ARFGEF2: variants seen among roughly 807,000 people sequenced by gnomAD.
The protein encoded by ARFGEF2 is brefeldin A-inhibited guanine nucleotide-exchange protein 2.
In ARFGEF2, 74 loss-of-function variants were observed where a neutral mutation model predicts 219.9. That is an observed-to-expected ratio of 0.34 (90% CI 0.28 to 0.41). The LOEUF (loss-of-function observed/expected upper bound fraction) is 0.41, where lower values mean the gene tolerates loss of function less well. Ranked by LOEUF, ARFGEF2 falls within the 10% of genes least tolerant of loss-of-function variation. The pLI is 1.00. For missense variants in ARFGEF2, 1,743 were observed against 2,218.3 expected (o/e 0.79, Z 4.30); for synonymous variants, 733 against 799.2 (o/e 0.92, Z 1.40).
chr20:48,941,935 C>G lies in ARFGEF2; in HGVS notation c.224C>G (p.Ala75Gly), dbSNP rs1036945229. 4 of 1,614,194 alleles carry G rather than the reference C, an allele frequency of 2.5e-6. No homozygotes were observed. Among genetic ancestry groups the G allele is most frequent in the Middle Eastern group, 1.6e-4 (1 of 6,062 alleles). The change falls in exon 3 of 39, where the codon GCT (alanine) becomes GGT (glycine). Residue 75 changes from alanine to glycine, a missense_variant. Ala to Gly is a moderately conservative substitution (Grantham distance 60, BLOSUM62 0). This residue lies in a region of ARFGEF2 where 394 missense variants were observed against 426.6 expected (regional missense o/e 0.92). Transcript: ENST00000371917. ...AAGTATTTTCTTCCATTCGAGCTAG[C>G]TTGCCAGTCCAAGTCCCCAAGGGTA... ...ADKYFLPFEL[A>G]CQSKSPRVVS...
intron 3 of ARFGEF2, among the ~76,000 whole-genome samples, chr20:48,950,775 A>G (rs1185743392): frequency 7.3e-6 from 1 of 137,926 alleles, no homozygotes; most frequent in Non-Finnish European, 1.5e-5. Flanking sequence ...CAGCCTAGGT[A>G]ACAGAATAAG....
At chr20:48,927,549 G>T (rs1385963959) in intron 1 of ARFGEF2, among the ~76,000 whole-genome samples, 1 of 151,996 alleles carries the variant, frequency 6.6e-6, no homozygotes, top group Non-Finnish European at 1.5e-5. Flanking sequence ...TTAGCTGGGC[G>T]TGGTGGCGCA....
chr20:48,950,811 A>AAATATATATATATATATATATATAT (rs1176537072), intron 3 of ARFGEF2, among the ~76,000 whole-genome samples: 1 of 64,482 alleles, frequency 1.6e-5, no homozygotes, highest in Non-Finnish European at 2.6e-5. Context: ...AAAAAAAAAA[A>AAATATATATATATATATATATATAT]ATATATATAT....
intron 6 of ARFGEF2, among the ~76,000 whole-genome samples, chr20:48,955,727 A>T (rs187277039): frequency 6.6e-6 from 1 of 152,218 alleles, no homozygotes; most frequent in Admixed American, 6.5e-5. Context: ...GGAGAAGCAA[A>T]CCCCAGACCT....
chr20:48,940,378 T>A (rs1463789094), intron 1 of ARFGEF2, among the ~76,000 whole-genome samples: 1 of 152,262 alleles, frequency 6.6e-6, no homozygotes, highest in African/African-American at 2.4e-5. Context: ...AGAAAAAGTA[T>A]GTATGCTTAT....
At chr20:48,941,823 A>G (rs747675401) in intron 2 of ARFGEF2, 41 bp from the exon 3 acceptor site, 1 of 1,614,052 alleles carries the variant, frequency 6.2e-7, no homozygotes, top group Non-Finnish European at 8.5e-7. Context: ...AGGTGTAGAA[A>G]ATTCATTTCT....
intron 6 of ARFGEF2, among the ~76,000 whole-genome samples, chr20:48,962,770 G>A (rs2090385526): frequency 6.6e-6 from 1 of 152,164 alleles, no homozygotes; most frequent in African/African-American, 2.4e-5. Context: ...ACTTAGCACT[G>A]CCCTCCGGGA....
At chr20:48,964,123 T>C (rs1361726104) in intron 7 of ARFGEF2, among the ~76,000 whole-genome samples, 1 of 152,180 alleles carries the variant, frequency 6.6e-6, no homozygotes, top group East Asian at 1.9e-4. Context: ...GGAAACATAG[T>C]CTGGGCCAGG....
chr20:48,978,748 G>A (rs542073035), intron 14 of ARFGEF2, among the ~76,000 whole-genome samples: 2 of 152,228 alleles, frequency 1.3e-5, no homozygotes, highest in African/African-American at 2.4e-5. Flanking sequence ...GTGAATGGGA[G>A]TTCACTCATG....
At chr20:49,007,592 CTTTTTTTT>C (rs752508908) in intron 26 of ARFGEF2, among the ~76,000 whole-genome samples, 1 of 97,868 alleles carries the variant, frequency 1.0e-5, no homozygotes, top group Non-Finnish European at 2.0e-5. Flanking sequence ...CCTGGTGTTG[CTTTTTTTT>C]TTTTTTTTTT....
chr20:48,974,732 T>G (rs371263857), intron 12 of ARFGEF2, 34 bp from the exon 13 acceptor site: 1 of 1,563,800 alleles, frequency 6.4e-7, no homozygotes, highest in African/African-American at 1.4e-5. Context: ...CATTTTTCTG[T>G]TAAGTCTCTT....
chr20:49,012,848 T>A (rs1284040590), intron 28 of ARFGEF2, among the ~76,000 whole-genome samples: 1 of 152,180 alleles, frequency 6.6e-6, no homozygotes, highest in Non-Finnish European at 1.5e-5. Flanking sequence ...ACAGGAGAGT[T>A]ACTGAAGCAC....
chr20:48,984,970 C>G (rs1043133796), intron 15 of ARFGEF2, 130 bp downstream of exon 15: 4 of 1,517,936 alleles, frequency 2.6e-6, no homozygotes, highest in Non-Finnish European at 2.7e-6. Flanking sequence ...TATACATTGT[C>G]TATTGTCCAC....
In ARFGEF2 at chr20:48,948,643, A is replaced by G. The variant is rs540087089; in HGVS notation, c.277-2680A>G. ...ACAGTACAGAGGTACAGTATGTCCT[A>G]TTCTGTACCAAGAAACCAACCGCAT... is the stretch of plus-strand genomic sequence containing the variant. On this transcript the variant is annotated intron_variant, in intron 3 of 38. Transcript: ENST00000371917. Among the ~76,000 whole-genome samples, 3 of 152,330 alleles carry G rather than the reference A, an allele frequency of 2.0e-5. No individual in the cohort carries two copies. In the East Asian group the frequency reaches 5.8e-4, roughly 29 times the overall value.
rs2091345623 is a variant in ARFGEF2 at position 48,989,584 on chromosome 20, A to G, written c.2714A>G (p.Tyr905Cys). 8 of 1,614,224 alleles carry G rather than the reference A, an allele frequency of 5.0e-6. No individual in the cohort carries two copies. Among genetic ancestry groups the G allele is most frequent in the Non-Finnish European group, 5.9e-6 (7 of 1,180,036 alleles). Residue 905 changes from tyrosine to cysteine, a missense_variant, in exon 20 of 39, where the codon TAC becomes TGC. By Grantham distance (194) the Tyr-to-Cys change is radical. Around this residue, in one of 5 missense-constraint regions of ARFGEF2, gnomAD observed 666 missense variants for 955.4 expected, o/e 0.70. Transcript: ENST00000371917. The part of the protein sequence containing the change: ...KLVWTPLLAA[Y>C]SIGLQNCDDT... ...GTGTGGACGCCACTATTGGCAGCCT[A>G]CAGCATCGGACTCCAGAACTGTGAT...
At chr20:48,946,996 G>A (rs961540500) in intron 3 of ARFGEF2, among the ~76,000 whole-genome samples, 25 of 151,900 alleles carry the variant, frequency 1.6e-4, no homozygotes, top group African/African-American at 6.0e-4. Context: ...TGTAGAGACC[G>A]GGGTCTTACT....
chr20:48,938,027 A>G (rs1022775005), intron 1 of ARFGEF2, among the ~76,000 whole-genome samples: 1 of 152,232 alleles, frequency 6.6e-6, no homozygotes, highest in African/African-American at 2.4e-5. Context: ...GAGTAATTCC[A>G]TATGCTTGTT....
intron 1 of ARFGEF2, among the ~76,000 whole-genome samples, chr20:48,936,884 G>A (rs967205511): frequency 1.3e-5 from 2 of 151,840 alleles, no homozygotes; most frequent in African/African-American, 2.4e-5. Context: ...ATGTTTTTTG[G>A]CCACATAAAT....
rs978633033 is a variant in ARFGEF2, at chr20:48,985,539, C to T, written c.2202C>T (p.Arg734=). The T allele has an allele frequency of 6.2e-7, 1 of 1,614,166 alleles. No homozygotes were observed. Among genetic ancestry groups the T allele is most frequent in the Non-Finnish European group, 8.5e-7 (1 of 1,180,030 alleles). The change falls in exon 16 of 39, where the codon CGC becomes CGT. Residue 734 remains arginine (R), a synonymous_variant. Transcript: ENST00000371917. ...TGCGGACATTCCTAGAAGGTTTCCGCCTACCTGGAGAAGCCCAAAAGATTG... is the reference window on the plus strand; with the variant it reads ...TGCGGACATTCCTAGAAGGTTTCCGTCTACCTGGAGAAGCCCAAAAGATTG... ...SALRTFLEGF[R]LPGEAQKIDR...
Sources: allele counts gnomAD v4.1 joint callset (sites outside exome capture counted in the v4.1 genomes callset), GRCh38; gene constraint gnomAD v4.1.1; regional missense constraint gnomAD v4.1.1; transcripts MANE v1.5; gene names NCBI Gene and HGNC (gene_info 2026-07-23, HGNC 2026-07-21).